APLP2: variants seen among roughly 807,000 people sequenced by gnomAD.
The protein encoded by APLP2 is amyloid beta precursor like protein 2, also known as CDEI box-binding protein.
Under a neutral mutation model 89.9 loss-of-function variants are expected in APLP2, and 53 were observed. The observed-to-expected ratio is 0.59, with a 90% confidence interval of 0.47 to 0.74. The LOEUF is 0.74. Ranked by LOEUF, APLP2 falls within the 30% of genes least tolerant of loss-of-function variation. The probability of loss-of-function intolerance (pLI) is 0.00; values close to 1 mark genes in which losing one functional copy is unlikely to be tolerated. For synonymous variants in APLP2, 372 were observed against 348.6 expected (o/e 1.07, Z -0.75); for missense variants, 973 against 975.9 (o/e 1.00, Z 0.04).
At chr11:130,076,648 T>C (rs550848261) in intron 1 of APLP2, among the ~76,000 whole-genome samples, 90 of 152,290 alleles carry the variant, frequency 5.9e-4, no homozygotes, top group African/African-American at 1.9e-3. Flanking sequence ...GGTTGCTTAA[T>C]TGAGCTGTCC....
Position 130,122,581 on chromosome 11 carries a change from G to A in APLP2, c.922+68G>A, listed in dbSNP as rs919724589. On this transcript the variant is annotated intron_variant, in intron 6 of 16. Transcript: ENST00000338167. ...TTATTCACTTAGACTTTTGCATTGC[G>A]TCTGTCACAGGTAAGTCAGTCACAG... 82 of 1,594,314 alleles carry A rather than the reference G, an allele frequency of 5.1e-5. No homozygotes were observed. The East Asian group carries it at 5.9e-4, about 11-fold the overall frequency.
intron 11 of APLP2, among the ~76,000 whole-genome samples, chr11:130,133,204 C>T (rs1951129104): frequency 6.6e-6 from 1 of 151,828 alleles, no homozygotes; most frequent in African/African-American, 2.4e-5. Context: ...CTCACTGTAG[C>T]CTAAACCTCC....
chr11:130,079,462 T>G (rs1403397349), intron 1 of APLP2, among the ~76,000 whole-genome samples: 1 of 152,226 alleles, frequency 6.6e-6, no homozygotes, highest in East Asian at 1.9e-4. Context: ...GATTTCTGCA[T>G]AGAGATCTTG....
chr11:130,143,669 A>G lies in APLP2; in HGVS notation c.*221A>G, dbSNP rs1952681756. The G allele has an allele frequency of 8.8e-6, 4 of 455,948 alleles. No homozygotes were observed. The East Asian group carries it at 1.4e-4, about 17-fold the overall frequency. The allele number at this position is 455,948 out of a possible 1,614,324, so 28.2% of individuals were successfully genotyped here. A position where few individuals can be genotyped will look rare whatever the true frequency, so the allele number is the denominator to read the frequency against. ...TAACAATATATGATATATAAACCTT[A>G]AATGAAAAAAATGATCTATTGCAGA... On this transcript the variant is annotated 3_prime_UTR_variant, in exon 17 of 17. Transcript: ENST00000338167.
chr11:130,107,875 C>T (rs184669622), intron 1 of APLP2, among the ~76,000 whole-genome samples: 4 of 152,190 alleles, frequency 2.6e-5, no homozygotes, highest in Admixed American at 1.3e-4. Flanking sequence ...AAATACAGAC[C>T]GATGGAACAG....
At chr11:130,106,877 C>T (rs1044865523) in intron 1 of APLP2, among the ~76,000 whole-genome samples, 8 of 151,786 alleles carry the variant, frequency 5.3e-5, no homozygotes, top group African/African-American at 1.9e-4. Flanking sequence ...TTAGTAGGGA[C>T]GGGGTTTTGC....
intron 1 of APLP2, among the ~76,000 whole-genome samples, chr11:130,090,752 C>G (rs1944851050): frequency 6.6e-6 from 1 of 152,252 alleles, no homozygotes. Context: ...CATTGTCATC[C>G]TGGCCCGCTC....
intron 2 of APLP2, 57 bp from the exon 3 acceptor site, chr11:130,110,481 C>G (rs1168502765): frequency 4.4e-5 from 70 of 1,593,802 alleles, no homozygotes; most frequent in Non-Finnish European, 6.0e-5. Flanking sequence ...TCCTTACTTG[C>G]AAGTGTGTGT....
Position 130,126,755 on chromosome 11 carries a change from A to G in APLP2, c.1146A>G (p.Ala382=). The G allele has an allele frequency of 1.2e-6, 2 of 1,614,234 alleles. No homozygotes were observed. Among genetic ancestry groups the G allele is most frequent in the Non-Finnish European group, 1.7e-6 (2 of 1,180,040 alleles). ...TTGATGTGTATTTCGAGACCTCTGCAGATGATAATGAGCATGCTCGCTTCC... is the reference window on the plus strand; with the variant it reads ...TTGATGTGTATTTCGAGACCTCTGCGGATGATAATGAGCATGCTCGCTTCC... The part of the protein sequence containing the change: ...NDVDVYFETS[A]DDNEHARFQK... Residue 382 remains alanine, a synonymous_variant, in exon 8 of 17, where the codon GCA becomes GCG. Transcript: ENST00000338167.
chr11:130,134,731 A>G (rs982601236), intron 12 of APLP2, among the ~76,000 whole-genome samples: 2 of 152,180 alleles, frequency 1.3e-5, no homozygotes, highest in Non-Finnish European at 2.9e-5. Flanking sequence ...GGAGCACCCC[A>G]GGGACAGCTG....
chr11:130,090,482 C>T (rs1944787773), intron 1 of APLP2, among the ~76,000 whole-genome samples: 1 of 151,558 alleles, frequency 6.6e-6, no homozygotes, highest in Admixed American at 6.6e-5. Context: ...AGCATGCTGC[C>T]TTCAAGCATC....
At position 130,140,381 on chromosome 11, in the gene APLP2, G is replaced by A. The variant is rs1453651987; in HGVS notation, c.1838-17G>A. On this transcript the variant is annotated splice_polypyrimidine_tract_variant and intron_variant, in intron 13 of 16. Transcript: ENST00000338167. ...GGGCCATCCTTGGGAACTCAGCCAT[G>A]ATCTCTCTCCACACAGGATCTGGAG... 8.2e-6 allele frequency: 13 copies of A among 1,587,232 alleles called. No individual in the cohort carries two copies. Among genetic ancestry groups the A allele is most frequent in the Non-Finnish European group, 1.1e-5 (13 of 1,168,432 alleles).
At position 130,143,554 on chromosome 11, in the gene APLP2, A is replaced by G. The variant is rs1952675453; in HGVS notation, c.*106A>G. ...CAGCCGCTGCCAGGGGCTGCGTCTG[A>G]CATCCTGACCTCCTGGACTGTAGGA... is the stretch of plus-strand genomic sequence containing the variant. On this transcript the variant is annotated 3_prime_UTR_variant, in exon 17 of 17. Coordinates refer to ENST00000338167, the MANE Select transcript of APLP2 (RefSeq NM_001142276.2). The G allele has an allele frequency of 1.1e-6, 1 of 903,790 alleles. No homozygotes were observed. Among genetic ancestry groups the G allele is most frequent in the Admixed American group, 1.8e-5 (1 of 54,602 alleles). 56.0% of individuals were successfully genotyped at this position (903,790 alleles called of 1,614,324 possible). A position where few individuals can be genotyped will look rare whatever the true frequency, so the allele number is the denominator to read the frequency against.
chr11:130,079,985 A>C (rs1228869330), intron 1 of APLP2, among the ~76,000 whole-genome samples: 1 of 152,142 alleles, frequency 6.6e-6, no homozygotes, highest in Non-Finnish European at 1.5e-5. Context: ...TGATGATATG[A>C]ATTTAATTTT....
chr11:130,111,758 G>A (rs570463521), intron 3 of APLP2, among the ~76,000 whole-genome samples: 40 of 152,244 alleles, frequency 2.6e-4, no homozygotes, highest in Non-Finnish European at 2.9e-5. Context: ...TGTGTGGTGT[G>A]GTTTAAGGAC....
At chr11:130,107,159 G>A (rs879072434) in intron 1 of APLP2, among the ~76,000 whole-genome samples, 1 of 152,124 alleles carries the variant, frequency 6.6e-6, no homozygotes. Context: ...GTTGCTTTGC[G>A]AAATAGTAGT....
intron 1 of APLP2, among the ~76,000 whole-genome samples, chr11:130,074,708 A>G (rs1268657611): frequency 6.6e-6 from 1 of 152,232 alleles, no homozygotes; most frequent in Non-Finnish European, 1.5e-5. Flanking sequence ...GTAATATTGT[A>G]TATACCCTTC....
rs565470825 is a variant in APLP2, at chr11:130,144,151, T to G, written c.*703T>G. Reference sequence around the variant, plus strand: ...GTATACAGATGAGGGTGTCCGCTGCTGCTTTCCTTCGGAATCCAGTGCTTC... The same window carrying G: ...GTATACAGATGAGGGTGTCCGCTGCGGCTTTCCTTCGGAATCCAGTGCTTC... On this transcript the variant is annotated 3_prime_UTR_variant, in exon 17 of 17. Transcript: ENST00000338167. 6.6e-6 allele frequency: 1 copy of G among 152,410 alleles called. No homozygotes were observed. Among genetic ancestry groups the G allele is most frequent in the East Asian group, 1.9e-4 (1 of 5,196 alleles). 9.4% of individuals were successfully genotyped at this position (152,410 alleles called of 1,614,324 possible).
At chr11:130,070,132 AGCGCG>A in intron 1 of APLP2, 50 bp downstream of exon 1, 1 of 1,224,438 alleles carries the variant, frequency 8.2e-7, no homozygotes, top group Non-Finnish European at 1.0e-6. Context: ...CCGCCGGAGG[AGCGCG>A]GACTGCGGGC....
Sources: allele counts gnomAD v4.1 joint callset (sites outside exome capture counted in the v4.1 genomes callset), GRCh38; gene constraint gnomAD v4.1.1; transcripts MANE v1.5; gene names NCBI Gene and HGNC (gene_info 2026-07-23, HGNC 2026-07-21).